The following CTNNA3 variants were observed in gnomAD, a reference collection of about 807,000 sequenced individuals.
The protein encoded by CTNNA3 is catenin alpha 3.
Under a neutral mutation model 95.7 loss-of-function variants are expected in CTNNA3, and 76 were observed. The observed-to-expected ratio is 0.79, with a 90% confidence interval of 0.66 to 0.96. CTNNA3 has a LOEUF of 0.96. CTNNA3 is among the 40% of genes least tolerant of loss of function. The probability of loss-of-function intolerance (pLI) is 0.00; values close to 1 mark genes in which losing one functional copy is unlikely to be tolerated. For synonymous variants in CTNNA3, 431 were observed against 374.4 expected (o/e 1.15, Z -1.74); for missense variants, 1,191 against 1,089.8 (o/e 1.09, Z -1.31).
chr10:67,552,568 C>T (rs148560346), intron 3 of CTNNA3, among the ~76,000 whole-genome samples: 1 of 151,942 alleles, frequency 6.6e-6, no homozygotes, highest in African/African-American at 2.4e-5. Context: ...CCAGGACAGT[C>T]AGGTAAATGT....
intron 6 of CTNNA3, among the ~76,000 whole-genome samples, chr10:67,218,152 G>A (rs577647837): frequency 2.0e-5 from 3 of 152,214 alleles, no homozygotes; most frequent in African/African-American, 7.2e-5. Flanking sequence ...AAGCATTTCA[G>A]ATAAGGGATG....
intron 7 of CTNNA3, among the ~76,000 whole-genome samples, chr10:67,014,373 A>G (rs528597585): frequency 9.8e-5 from 15 of 152,316 alleles, no homozygotes; most frequent in African/African-American, 3.6e-4. Context: ...TAACTACTGT[A>G]TACTTCCTAA....
At chr10:66,991,562 A>C (rs1444023361) in intron 7 of CTNNA3, among the ~76,000 whole-genome samples, 2 of 152,086 alleles carry the variant, frequency 1.3e-5, no homozygotes, top group Non-Finnish European at 2.9e-5. Context: ...TTATTTATTT[A>C]GTTTTTGAGA....
intron 13 of CTNNA3, among the ~76,000 whole-genome samples, chr10:66,225,454 T>A (rs1212114528): frequency 6.9e-6 from 1 of 145,800 alleles, no homozygotes; most frequent in African/African-American, 2.5e-5. Flanking sequence ...GTATATATAC[T>A]ATATTATCTT....
Position 66,634,826 on chromosome 10 carries a change from G to A in CTNNA3, c.1282-13042C>T, listed in dbSNP as rs137931615. 4.6e-3 allele frequency among the ~76,000 whole-genome samples: 698 copies of A among 152,030 alleles called. 5 individuals carry two copies. Among genetic ancestry groups the A allele is most frequent in the African/African-American group, 0.016 (645 of 41,484 alleles). ...TGAAAAAGAGGTATCAGTATGCTGC[G>A]TCAGAATGTGCCATCACAAAAGAAG... On this transcript the variant is annotated intron_variant, in intron 9 of 17. Coordinates refer to ENST00000433211, the MANE Select transcript of CTNNA3 (RefSeq NM_013266.4).
At chr10:65,986,922 C>A (rs2078441132) in intron 16 of CTNNA3, among the ~76,000 whole-genome samples, 2 of 150,262 alleles carry the variant, frequency 1.3e-5, no homozygotes, top group South Asian at 2.1e-4. Context: ...TATTTATAGC[C>A]AACTGATTTT....
At chr10:67,278,319 G>T (rs919011775) in intron 5 of CTNNA3, among the ~76,000 whole-genome samples, 1 of 152,164 alleles carries the variant, frequency 6.6e-6, no homozygotes, top group Non-Finnish European at 1.5e-5. Flanking sequence ...GAGGTCCAGA[G>T]AACATGTGCC....
chr10:66,360,643 C>CTTTTCT (rs771942332), intron 12 of CTNNA3, among the ~76,000 whole-genome samples: 26 of 61,836 alleles, frequency 4.2e-4, no homozygotes, highest in South Asian at 1.7e-3. Flanking sequence ...TTCTTTCTTT[C>CTTTTCT]TTTCTTTCTT....
intron 7 of CTNNA3, among the ~76,000 whole-genome samples, chr10:66,911,953 A>G (rs1344411704): frequency 6.6e-6 from 1 of 152,212 alleles, no homozygotes; most frequent in Non-Finnish European, 1.5e-5. Context: ...AGAGTATTTC[A>G]AAAGGAAAAC....
chr10:66,995,120 T>TTGCTTGAATGTCACAGAAATAA (rs1564819126), intron 7 of CTNNA3, among the ~76,000 whole-genome samples: 1 of 152,154 alleles, frequency 6.6e-6, no homozygotes, highest in Non-Finnish European at 1.5e-5. Context: ...TGAGGTGTCA[T>TTGCTTGAATGTCACAGAAATAA]TGCTTGAATG....
intron 13 of CTNNA3, among the ~76,000 whole-genome samples, chr10:66,171,073 C>A (rs2085400864): frequency 6.6e-6 from 1 of 151,912 alleles, no homozygotes; most frequent in Non-Finnish European, 1.5e-5. Context: ...GCAGAGATTG[C>A]AGTGAGCCGA....
At chr10:67,041,545 G>A (rs1191743345) in intron 7 of CTNNA3, among the ~76,000 whole-genome samples, 1 of 152,124 alleles carries the variant, frequency 6.6e-6, no homozygotes, top group East Asian at 1.9e-4. Flanking sequence ...GACGCAGTTT[G>A]GAAAACAAGT....
chr10:66,909,312 C>T (rs776268484), intron 7 of CTNNA3, among the ~76,000 whole-genome samples: 2 of 151,980 alleles, frequency 1.3e-5, no homozygotes, highest in Non-Finnish European at 2.9e-5. Context: ...GCTGGGAGTT[C>T]GAGACCAGCC....
intron 7 of CTNNA3, among the ~76,000 whole-genome samples, chr10:67,173,359 A>C (rs1862098665): frequency 6.6e-6 from 1 of 152,122 alleles, no homozygotes; most frequent in African/African-American, 2.4e-5. Flanking sequence ...AGTTGCAGGA[A>C]TTCTAAGGGT....
rs558698345 is a variant in CTNNA3 at position 66,911,674 on chromosome 10, T to A, written c.1048-136150A>T. Reference sequence around the variant, plus strand: ...GTTACTTCATCTCTCTGGTCTACATTTTTAAATCTGTAAAATGTGAATTGG... The same window carrying A: ...GTTACTTCATCTCTCTGGTCTACATATTTAAATCTGTAAAATGTGAATTGG... On this transcript the variant is annotated intron_variant, in intron 7 of 17. Coordinates refer to ENST00000433211, the MANE Select transcript of CTNNA3 (RefSeq NM_013266.4). Among the ~76,000 whole-genome samples the A allele has an allele frequency of 2.6e-5, 4 of 152,282 alleles. No individual in the cohort carries two copies. In the East Asian group the frequency reaches 7.7e-4, roughly 29 times the overall value.
chr10:67,061,720 G>A (rs1222288569), intron 7 of CTNNA3, among the ~76,000 whole-genome samples: 1 of 152,188 alleles, frequency 6.6e-6, no homozygotes, highest in Non-Finnish European at 1.5e-5. Context: ...GCAGTTGTGT[G>A]CATATTCTAA....
intron 7 of CTNNA3, among the ~76,000 whole-genome samples, chr10:67,139,299 A>ATTTTTTTTTT (rs60290459): frequency 7.2e-4 from 85 of 117,842 alleles, no homozygotes; most frequent in African/African-American, 1.2e-3. Context: ...CGCCCGGCTA[A>ATTTTTTTTTT]TTTTTTTTTT....
chr10:67,370,841 C>T (rs1843399379), intron 5 of CTNNA3, among the ~76,000 whole-genome samples: 1 of 150,874 alleles, frequency 6.6e-6, no homozygotes. Context: ...AAATATAATC[C>T]TATACATGTT....
chr10:66,869,134 C>A (rs1844299716), intron 7 of CTNNA3, among the ~76,000 whole-genome samples: 1 of 152,142 alleles, frequency 6.6e-6, no homozygotes, highest in Admixed American at 6.6e-5. Context: ...TGTCAATTAA[C>A]TCAAACAATT....
Sources: allele counts gnomAD v4.1 joint callset (sites outside exome capture counted in the v4.1 genomes callset), GRCh38; gene constraint gnomAD v4.1.1; transcripts MANE v1.5; gene names NCBI Gene and HGNC (gene_info 2026-07-23, HGNC 2026-07-21).